The following TMEM273 variants were observed in gnomAD, a reference collection of about 807,000 sequenced individuals.
TMEM273 encodes transmembrane protein 273.
Under a neutral mutation model 17.9 loss-of-function variants are expected in TMEM273, and 19 were observed. The observed-to-expected ratio is 1.06, with a 90% CI of 0.74 to 1.55. The LOEUF is 1.55. TMEM273 is among the 40% of genes most tolerant of loss of function. The pLI is 0.00. For missense variants in TMEM273, 194 were observed against 155.6 expected (o/e 1.25, Z -1.31); for synonymous variants, 66 against 62.0 (o/e 1.07, Z -0.31).
intron 1 of TMEM273, among the ~76,000 whole-genome samples, chr10:49,184,687 T>G (rs1232585189): frequency 6.6e-6 from 1 of 152,168 alleles, no homozygotes; most frequent in Non-Finnish European, 1.5e-5. Context: ...AACCCCCTGG[T>G]GGAGAGCAAT....
intron 1 of TMEM273, among the ~76,000 whole-genome samples, chr10:49,182,073 G>T (rs1847381311): frequency 6.6e-6 from 1 of 152,214 alleles, no homozygotes; most frequent in Non-Finnish European, 1.5e-5. Flanking sequence ...AGTATCTCTT[G>T]CCTACCTGAG....
chr10:49,158,024 C>T (rs527989160), intron 6 of TMEM273, among the ~76,000 whole-genome samples: 48 of 152,150 alleles, frequency 3.2e-4, no homozygotes, highest in Non-Finnish European at 5.7e-4. Context: ...CAATCAATGA[C>T]CAGGTAGGAG....
intron 6 of TMEM273, 175 bp from the exon 7 acceptor site, chr10:49,156,084 TG>T: frequency 1.3e-6 from 2 of 1,543,372 alleles, no homozygotes; most frequent in Non-Finnish European, 1.8e-6. Flanking sequence ...CAGTGGCTTC[TG>T]GGTAAAGGGG....
intron 5 of TMEM273, among the ~76,000 whole-genome samples, chr10:49,163,007 C>A (rs1325541619): frequency 6.6e-6 from 1 of 152,196 alleles, no homozygotes; most frequent in African/African-American, 2.4e-5. Context: ...GCCCTTGGGT[C>A]AGCGGGGACT....
chr10:49,161,777 T>A (rs1317352116), intron 5 of TMEM273, among the ~76,000 whole-genome samples, 155 bp from the exon 6 acceptor site: 1 of 152,190 alleles, frequency 6.6e-6, no homozygotes, highest in East Asian at 1.9e-4. Flanking sequence ...TAGTGTTAGT[T>A]TTGGAAACTC....
intron 1 of TMEM273, among the ~76,000 whole-genome samples, chr10:49,168,954 C>T (rs961281659): frequency 6.6e-6 from 1 of 152,168 alleles, no homozygotes; most frequent in African/African-American, 2.4e-5. Context: ...ACAGCAACAA[C>T]TCTGTGAGAT....
intron 3 of TMEM273, 71 bp downstream of exon 3, chr10:49,166,798 C>T: frequency 6.3e-7 from 1 of 1,597,568 alleles, no homozygotes; most frequent in South Asian, 1.1e-5. Context: ...TTGCTGTAGC[C>T]AGCATCACAG....
intron 6 of TMEM273, among the ~76,000 whole-genome samples, chr10:49,157,302 G>A (rs1013003904): frequency 9.2e-5 from 14 of 152,216 alleles, no homozygotes; most frequent in Non-Finnish European, 1.8e-4. Flanking sequence ...AGCCAGGCAC[G>A]ATCTGGAGAA....
chr10:49,169,988 A>T (rs999801523), intron 1 of TMEM273, among the ~76,000 whole-genome samples: 1 of 151,012 alleles, frequency 6.6e-6, no homozygotes, highest in African/African-American at 2.4e-5. Flanking sequence ...CCCCAGGCTC[A>T]CCCCACGCCC....
chr10:49,166,771 C>T (rs369955880), intron 3 of TMEM273, 98 bp downstream of exon 3: 30 of 1,551,824 alleles, frequency 1.9e-5, no homozygotes, highest in South Asian at 1.7e-4. Context: ...TTGGGCTCTG[C>T]GCTTGTGGGT....
Position 49,166,934 on chromosome 10 carries a change from A to G in TMEM273, c.173T>C (p.Met58Thr), listed in dbSNP as rs764955649. 1 of 1,614,112 alleles carries G rather than the reference A, an allele frequency of 6.2e-7. No individual in the cohort carries two copies. The highest frequency in any genetic ancestry group is 8.5e-7 in the Non-Finnish European group (1 of 1,180,006). ...GTCGTCAAATAAGTGCCTCCTGATC[A>G]TGCAGATCTTCAGGGCCAGGAAGCC... ...SAGFLALKIC[M>T]IRRHLFDDDS... The change falls in exon 3 of 7, where the codon ATG (methionine) becomes ACG (threonine). Residue 58 changes from methionine to threonine, a missense_variant. Met to Thr is a moderately conservative substitution (Grantham distance 81). Transcript: ENST00000374153.
intron 5 of TMEM273, among the ~76,000 whole-genome samples, chr10:49,164,232 T>A (rs1424222612): frequency 6.6e-6 from 1 of 152,198 alleles, no homozygotes; most frequent in African/African-American, 2.4e-5. Context: ...AAAGGGCACC[T>A]GCTCAGAGAA....
chr10:49,158,479 TACGGAA>T (rs1845646920), intron 6 of TMEM273, among the ~76,000 whole-genome samples: 1 of 152,150 alleles, frequency 6.6e-6, no homozygotes, highest in Non-Finnish European at 1.5e-5. Context: ...CTAAAGTTCA[TACGGAA>T]AAATAAATAT....
intron 1 of TMEM273, among the ~76,000 whole-genome samples, chr10:49,169,028 G>T (rs904137028): frequency 4.6e-5 from 7 of 152,176 alleles, no homozygotes; most frequent in Non-Finnish European, 1.0e-4. Flanking sequence ...TTGCTAATTT[G>T]CCCAAGAGCC....
chr10:49,181,648 T>C (rs1394982188), intron 1 of TMEM273, among the ~76,000 whole-genome samples: 1 of 152,174 alleles, frequency 6.6e-6, no homozygotes, highest in Admixed American at 6.5e-5. Flanking sequence ...ACCAATTAGA[T>C]ATCCAAGGTT....
intron 1 of TMEM273, among the ~76,000 whole-genome samples, chr10:49,174,557 G>A (rs150900794): frequency 1.4e-4 from 21 of 152,276 alleles, no homozygotes; most frequent in African/African-American, 3.9e-4. Flanking sequence ...TCTTATCAGA[G>A]CATGACTCTA....
intron 6 of TMEM273, chr10:49,156,269 A>G: frequency 7.5e-7 from 1 of 1,338,224 alleles, no homozygotes; most frequent in Non-Finnish European, 9.9e-7. Flanking sequence ...GCTACGAGGA[A>G]CAAGATAGAT....
intron 1 of TMEM273, among the ~76,000 whole-genome samples, chr10:49,174,990 G>T (rs1208144577): frequency 6.6e-6 from 1 of 152,076 alleles, no homozygotes; most frequent in African/African-American, 2.4e-5. Flanking sequence ...GAGTGTCACA[G>T]AAGCTCCCCC....
intron 1 of TMEM273, among the ~76,000 whole-genome samples, chr10:49,169,192 C>T (rs1846395381): frequency 4.6e-5 from 7 of 152,158 alleles, no homozygotes; most frequent in Admixed American, 3.9e-4. Context: ...ATGGTAAGAT[C>T]CAAGTCTGAG....
Sources: allele counts gnomAD v4.1 joint callset (sites outside exome capture counted in the v4.1 genomes callset), GRCh38; gene constraint gnomAD v4.1.1; transcripts MANE v1.5; gene names NCBI Gene and HGNC (gene_info 2026-07-23, HGNC 2026-07-21).